Variants in CLHC1 observed in about 807,000 individuals in gnomAD.
CLHC1 encodes the protein clathrin heavy chain linker domain-containing protein 1.
Under a neutral mutation model 69.5 loss-of-function variants are expected in CLHC1, and 72 were observed. The ratio of observed to expected loss-of-function variants is 1.04; its 90% CI spans 0.86 to 1.26. CLHC1 has a LOEUF of 1.26. Ranked by LOEUF, CLHC1 falls within the 50% of genes most tolerant of loss-of-function variation. The pLI, the probability that CLHC1 is intolerant of heterozygous loss-of-function variation, is 0.00. For synonymous variants in CLHC1, 223 were observed against 224.3 expected, an observed-to-expected ratio of 0.99 and a Z score of 0.05; for missense variants, 790 against 679.3, an observed-to-expected ratio of 1.16 and a Z score of -1.81.
chr2:55,226,174 T>A (rs1378195365), intron 2 of CLHC1, among the ~76,000 whole-genome samples: 9 of 144,022 alleles, frequency 6.2e-5, no homozygotes, highest in Non-Finnish European at 1.0e-4. Flanking sequence ...CCTGGGCAAC[T>A]GAGCGAGACT....
intron 9 of CLHC1, among the ~76,000 whole-genome samples, chr2:55,195,725 C>A (rs1434382536): frequency 6.6e-6 from 1 of 152,142 alleles, no homozygotes; most frequent in Non-Finnish European, 1.5e-5. Flanking sequence ...TCACTTGAAC[C>A]CAGGAGGCGG....
At chr2:55,210,533 G>A (rs920220105) in intron 5 of CLHC1, among the ~76,000 whole-genome samples, 2 of 151,950 alleles carry the variant, frequency 1.3e-5, no homozygotes, top group Admixed American at 6.6e-5. Context: ...ATGAAGACTC[G>A]GTGAAGACTG....
At chr2:55,202,224 CTT>C (rs1672013175) in intron 9 of CLHC1, among the ~76,000 whole-genome samples, 1 of 147,680 alleles carries the variant, frequency 6.8e-6, no homozygotes, top group Admixed American at 6.8e-5. Context: ...GTTAAATTAT[CTT>C]TGTTTTCTGA....
chr2:55,223,811 T>G (rs1230427782), intron 2 of CLHC1, among the ~76,000 whole-genome samples: 2 of 151,920 alleles, frequency 1.3e-5, no homozygotes, highest in Non-Finnish European at 2.9e-5. Flanking sequence ...TTTTTTTTTT[T>G]TTGAGACGGA....
At chr2:55,196,646 C>G (rs778269201) in intron 9 of CLHC1, among the ~76,000 whole-genome samples, 2 of 152,164 alleles carry the variant, frequency 1.3e-5, no homozygotes, top group Non-Finnish European at 2.9e-5. Context: ...GGACTCATCA[C>G]CTGCTGACTA....
At chr2:55,195,144 T>C (rs1671287651) in intron 9 of CLHC1, among the ~76,000 whole-genome samples, 1 of 152,188 alleles carries the variant, frequency 6.6e-6, no homozygotes. Context: ...GCATTTATCC[T>C]ACATAACTCA....
chr2:55,208,617 A>G lies in CLHC1; in HGVS notation c.899+9T>C, dbSNP rs773659455. ...AATTCTGAAAAATTAAAGCTTTTAAAATATTTGCCTTTCAATGTAGTGAAG... is the reference window on the plus strand; with the variant it reads ...AATTCTGAAAAATTAAAGCTTTTAAGATATTTGCCTTTCAATGTAGTGAAG... On this transcript the variant is annotated intron_variant, in intron 8 of 12. Transcript: ENST00000401408. 6.4e-7 allele frequency: 1 copy of G among 1,554,004 alleles called. No individual in the cohort carries two copies. The highest frequency in any genetic ancestry group is 8.9e-7 in the Non-Finnish European group (1 of 1,128,198).
intron 10 of CLHC1, 121 bp from the exon 11 acceptor site, chr2:55,180,833 T>C: frequency 1.4e-6 from 1 of 694,224 alleles, no homozygotes; most frequent in Non-Finnish European, 2.4e-6. Flanking sequence ...GAATTCCAAG[T>C]TACAATTTAA....
chr2:55,192,314 T>G (rs1050258402), intron 9 of CLHC1, among the ~76,000 whole-genome samples: 1 of 152,106 alleles, frequency 6.6e-6, no homozygotes, highest in African/African-American at 2.4e-5. Context: ...GAGACAGGTT[T>G]TCACCATGTT....
At position 55,180,506 on chromosome 2, in the gene CLHC1, T is replaced by G. The variant is rs1669824499; in HGVS notation, c.1384+4A>C. Reference sequence around the variant, plus strand: ...GTATACAAATGGCAGACTTTTTAACTTACCGGTAGTAAAGTCCTTCAACTG... The same window carrying G: ...GTATACAAATGGCAGACTTTTTAACGTACCGGTAGTAAAGTCCTTCAACTG... On this transcript the variant is annotated splice_donor_region_variant and intron_variant, in intron 11 of 12. Transcript: ENST00000401408. 6.2e-7 allele frequency: 1 copy of G among 1,609,126 alleles called. No individual in the cohort carries two copies. The highest frequency in any genetic ancestry group is 1.1e-5 in the South Asian group (1 of 90,868).
intron 9 of CLHC1, among the ~76,000 whole-genome samples, chr2:55,197,210 T>C (rs1029122489): frequency 6.6e-6 from 1 of 152,128 alleles, no homozygotes; most frequent in Non-Finnish European, 1.5e-5. Context: ...ATTCCTAAAG[T>C]TTCCAACTCT....
Position 55,181,723 on chromosome 2 carries a change from T to C in CLHC1, c.1028A>G (p.Lys343Arg). The C allele has an allele frequency of 6.2e-7, 1 of 1,611,658 alleles. No individual in the cohort carries two copies. Among genetic ancestry groups the C allele is most frequent in the Non-Finnish European group, 8.5e-7 (1 of 1,179,432 alleles). ...AAAAAATAAGAGTAATGGAAGAGGC[T>C]TTCCTCTAATTTTTCCAACAGCTAC... ...TFKAVGKIRG[K>R]PLPLLLFFEA... The change falls in exon 10 of 13, where the codon AAG becomes AGG. Residue 343 changes from lysine (K) to arginine (R), a missense_variant. By Grantham distance (26) the Lys-to-Arg change is conservative. Transcript: ENST00000401408.
intron 12 of CLHC1, among the ~76,000 whole-genome samples, 197 bp from the exon 13 acceptor site, chr2:55,176,183 C>A (rs1303334246): frequency 6.6e-6 from 1 of 152,180 alleles, no homozygotes; most frequent in Non-Finnish European, 1.5e-5. Flanking sequence ...CCTTCTCCTC[C>A]TCCCTTATCA....
At chr2:55,217,742 G>T (rs1290045909) in intron 4 of CLHC1, 69 bp downstream of exon 4, 4 of 971,360 alleles carry the variant, frequency 4.1e-6, no homozygotes, top group Non-Finnish European at 5.8e-6. Flanking sequence ...ACCAGCTAGA[G>T]TTACACTGGC....
intron 9 of CLHC1, among the ~76,000 whole-genome samples, chr2:55,195,639 T>G (rs915636011): frequency 6.6e-6 from 1 of 151,882 alleles, no homozygotes; most frequent in Non-Finnish European, 1.5e-5. Flanking sequence ...CCATCTCTAC[T>G]AAAAATACAA....
intron 3 of CLHC1, 40 bp from the exon 4 acceptor site, chr2:55,218,038 T>A: frequency 9.2e-7 from 1 of 1,088,976 alleles, no homozygotes; most frequent in Non-Finnish European, 1.2e-6. Flanking sequence ...TGATTTTTTT[T>A]CTAGGAGGCT....
intron 3 of CLHC1, among the ~76,000 whole-genome samples, chr2:55,219,285 G>T (rs554574124): frequency 6.6e-5 from 10 of 152,198 alleles, no homozygotes; most frequent in Non-Finnish European, 1.2e-4. Context: ...CTGTTTGTTA[G>T]AAAAAACAGA....
At chr2:55,182,966 A>G (rs1033698268) in intron 9 of CLHC1, among the ~76,000 whole-genome samples, 5 of 152,332 alleles carry the variant, frequency 3.3e-5, no homozygotes, top group Middle Eastern at 3.4e-3. Flanking sequence ...CCTAAAAAAC[A>G]AAGACTAAAG....
chr2:55,180,618 C>T lies in CLHC1; in HGVS notation c.1276G>A (p.Val426Ile), dbSNP rs6716066. The change falls in exon 11 of 13, where the codon GTC becomes ATC. Residue 426 changes from valine (V) to isoleucine (I), a missense_variant. Physicochemically the swap from Val to Ile is conservative, Grantham distance 29. Coordinates refer to ENST00000401408, the MANE Select transcript of CLHC1 (RefSeq NM_152385.4). ...TTGTGCAGGCCACATTCACTGTAGA[C>T]AATCTGAGCTAAAGCCAGGCACTTG... ...KAKCLALAQI[V>I]YSECGLHKKA... The T allele has an allele frequency of 0.97, 1,567,231 of 1,614,002 alleles. 761,364 individuals are homozygous for T. Among genetic ancestry groups the T allele is most frequent in the African/African-American group, 0.99 (74,543 of 75,034 alleles).
Sources: allele counts gnomAD v4.1 joint callset (sites outside exome capture counted in the v4.1 genomes callset), GRCh38; gene constraint gnomAD v4.1.1; transcripts MANE v1.5; gene names NCBI Gene and HGNC (gene_info 2026-07-23, HGNC 2026-07-21).